BARD1: variants seen among roughly 807,000 people sequenced by gnomAD.
The protein encoded by BARD1 is BRCA1 associated RING domain 1, also known as BRCA1-associated RING domain protein 1.
Under a neutral mutation model 77.0 loss-of-function variants are expected in BARD1, and 73 were observed. The ratio of observed to expected loss-of-function variants is 0.95; its 90% CI spans 0.79 to 1.15. The LOEUF (loss-of-function observed/expected upper bound fraction) is 1.15, where lower values mean the gene tolerates loss of function less well. Ranked by LOEUF, BARD1 falls within the 50% of genes most tolerant of loss-of-function variation. BARD1 has a pLI of 0.00. For missense variants in BARD1, 993 were observed against 938.8 expected (o/e 1.06, Z -0.75); for synonymous variants, 384 against 338.0 (o/e 1.14, Z -1.49).
At chr2:214,747,041 C>T (rs544442807) in intron 7 of BARD1, among the ~76,000 whole-genome samples, 107 of 151,844 alleles carry the variant, frequency 7.0e-4, no homozygotes, top group Non-Finnish European at 1.4e-3. Flanking sequence ...AACAAGTGGG[C>T]GAAGGATATG....
intron 3 of BARD1, among the ~76,000 whole-genome samples, chr2:214,789,619 C>T (rs1381005578): frequency 4.6e-5 from 7 of 151,978 alleles, no homozygotes; most frequent in South Asian, 2.1e-4. Context: ...CAATTTTTAT[C>T]CAACTCAATT....
intron 3 of BARD1, 150 bp from the exon 4 acceptor site, chr2:214,781,659 T>C: frequency 1.5e-6 from 1 of 653,750 alleles, no homozygotes; most frequent in South Asian, 2.0e-5. Context: ...AACTCTTTGA[T>C]AGCAGATATT....
chr2:214,795,032 C>G (rs1015964998), intron 2 of BARD1, among the ~76,000 whole-genome samples: 1 of 152,130 alleles, frequency 6.6e-6, no homozygotes, highest in Non-Finnish European at 1.5e-5. Flanking sequence ...ACCAACTTTG[C>G]ATAAAATGTC....
intron 1 of BARD1, among the ~76,000 whole-genome samples, chr2:214,808,010 G>A (rs1696354628): frequency 6.6e-6 from 1 of 152,230 alleles, no homozygotes; most frequent in Non-Finnish European, 1.5e-5. Flanking sequence ...TTATCTGAGT[G>A]TCACTTTTCT....
At chr2:214,754,338 CAA>C (rs752135719) in intron 6 of BARD1, among the ~76,000 whole-genome samples, 1 of 146,004 alleles carries the variant, frequency 6.8e-6, no homozygotes, top group African/African-American at 2.5e-5. Context: ...ACTGTTTCAA[CAA>C]AAAAAGAAAA....
At chr2:214,732,472 T>C (rs928258771) in intron 9 of BARD1, among the ~76,000 whole-genome samples, 2 of 151,968 alleles carry the variant, frequency 1.3e-5, no homozygotes, top group East Asian at 1.9e-4. Flanking sequence ...CTCGGCTCAC[T>C]GCAAGCTCCG....
intron 1 of BARD1, among the ~76,000 whole-genome samples, chr2:214,802,462 G>C (rs957044851): frequency 1.3e-5 from 2 of 152,136 alleles, no homozygotes; most frequent in African/African-American, 2.4e-5. Flanking sequence ...GGTTGATCCA[G>C]ACATAACCCC....
At chr2:214,796,984 A>G in intron 2 of BARD1, 77 bp downstream of exon 2, 1 of 1,127,090 alleles carries the variant, frequency 8.9e-7, no homozygotes, top group South Asian at 1.2e-5. Flanking sequence ...AAGTACCATT[A>G]TTATCAACAA....
rs747076015 is a variant in BARD1 at position 214,752,504 on chromosome 2, T to C, written c.1620A>G (p.Lys540=). 6.2e-7 allele frequency: 1 copy of C among 1,613,792 alleles called. No homozygotes were observed. Among genetic ancestry groups the C allele is most frequent in the East Asian group, 2.2e-5 (1 of 44,832 alleles). ...TCTTCTCTGGTAGCAGCAATAGCGATTTCATACTTTCATCATCTGTATAAT... is the reference window on the plus strand; with the variant it reads ...TCTTCTCTGGTAGCAGCAATAGCGACTTCATACTTTCATCATCTGTATAAT... ...PVDYTDDESM[K]SLLLLPEKNE... is the part of the protein sequence containing the mutation. The change falls in exon 7 of 11, where the codon AAA becomes AAG. Residue 540 remains lysine, a synonymous_variant. Transcript: ENST00000260947.
rs71579841 is a variant in BARD1 at position 214,809,451 on chromosome 2, G to A, written c.119C>T (p.Ala40Val). 2.9e-5 allele frequency: 46 copies of A among 1,611,538 alleles called. No individual in the cohort carries two copies. Among genetic ancestry groups the A allele is most frequent in the Middle Eastern group, 1.6e-4 (1 of 6,080 alleles). The part of the protein sequence containing the change: ...GRGAWAHSRA[A>V]LDRLEKLLRC... ...CAGCAGCTTCTCCAGGCGGTCGAGC[G>A]CGGCGCGACTGTGGGCCCAGGCACC... Residue 40 changes from alanine to valine, a missense_variant, in exon 1 of 11, where the codon GCG becomes GTG. Transcript: ENST00000260947.
intron 1 of BARD1, among the ~76,000 whole-genome samples, chr2:214,808,074 T>C (rs188541768): frequency 1.3e-4 from 20 of 152,342 alleles, no homozygotes; most frequent in African/African-American, 4.6e-4. Flanking sequence ...TCAAAGAAAA[T>C]ATAAGTGCAA....
chr2:214,798,890 G>C (rs1695884491), intron 1 of BARD1, among the ~76,000 whole-genome samples: 1 of 152,100 alleles, frequency 6.6e-6, no homozygotes, highest in Non-Finnish European at 1.5e-5. Context: ...AGGCCGAGGT[G>C]AGAGGATCAC....
chr2:214,751,484 C>T (rs7582247), intron 7 of BARD1, among the ~76,000 whole-genome samples: 1,748 of 151,864 alleles, frequency 0.012, 43 homozygotes, highest in African/African-American at 0.039. Flanking sequence ...TTTTTCCTGA[C>T]ATCTCCTGTA....
intron 6 of BARD1, among the ~76,000 whole-genome samples, chr2:214,753,201 GA>G (rs1216048481): frequency 6.6e-6 from 1 of 151,702 alleles, no homozygotes; most frequent in East Asian, 1.9e-4. Flanking sequence ...TTCAAGATAA[GA>G]AAAAAAAGAG....
chr2:214,738,221 A>G (rs1306095100), intron 9 of BARD1, among the ~76,000 whole-genome samples: 1 of 152,202 alleles, frequency 6.6e-6, no homozygotes, highest in African/African-American at 2.4e-5. Flanking sequence ...CTACTTAGCT[A>G]TTACAACTAG....
intron 1 of BARD1, among the ~76,000 whole-genome samples, chr2:214,798,594 C>A (rs79183195): frequency 1.3e-5 from 2 of 151,864 alleles, no homozygotes; most frequent in Non-Finnish European, 2.9e-5. Context: ...AGTTTCCTAG[C>A]ACCTTGGATT....
chr2:214,745,824 G>A lies in BARD1; in HGVS notation c.1708C>T (p.Leu570Phe), dbSNP rs876659288. 6.2e-7 allele frequency: 1 copy of A among 1,613,994 alleles called. No individual in the cohort carries two copies. The change falls in exon 8 of 11, where the codon CTT becomes TTT. Residue 570 changes from leucine to phenylalanine, a missense_variant. Transcript: ENST00000260947. ...GACAGCCCACTGCCTATAAGTACAAGAGGTCCATCCCTACGCTGCCCAGTG... is the reference window on the plus strand; with the variant it reads ...GACAGCCCACTGCCTATAAGTACAAAAGGTCCATCCCTACGCTGCCCAGTG... ...MNTGQRRDGPLVLIGSGLSSE... is the reference protein window; with the variant it reads ...MNTGQRRDGPFVLIGSGLSSE...
intron 9 of BARD1, among the ~76,000 whole-genome samples, chr2:214,741,478 T>C (rs1692825364): frequency 6.6e-6 from 1 of 152,196 alleles, no homozygotes; most frequent in Non-Finnish European, 1.5e-5. Flanking sequence ...ATCTTATTCA[T>C]ACTCTATGAG....
Position 214,780,887 on chromosome 2 carries a change from G to T in BARD1, c.987C>A (p.Ser329=). 6.2e-7 allele frequency: 1 copy of T among 1,614,078 alleles called. No homozygotes were observed. The highest frequency in any genetic ancestry group is 8.5e-7 in the Non-Finnish European group (1 of 1,179,992). ...NGKRGHHNRL[S]SPISKRCRTS... ...TTCTACATCTCTTAGAAATGGGACT[G>T]GAAAGTCTATTGTGATGGCCACGTT... is the stretch of plus-strand genomic sequence containing the variant. The change falls in exon 4 of 11, where the codon TCC becomes TCA. Residue 329 remains serine, a synonymous_variant. Coordinates refer to ENST00000260947, the MANE Select transcript of BARD1 (RefSeq NM_000465.4).
Sources: gnomAD v4.1 joint callset for allele counts (sites outside exome capture counted in the v4.1 genomes callset) on GRCh38, gnomAD v4.1.1 for gene constraint, MANE v1.5 for transcripts, NCBI Gene and HGNC (gene_info 2026-07-23, HGNC 2026-07-21) for gene names.